VPS13B: variants seen among roughly 807,000 people sequenced by gnomAD.
VPS13B encodes intermembrane lipid transfer protein VPS13B.
VPS13B carries 285 observed loss-of-function variants against 426.4 expected under a neutral mutation model. The ratio of observed to expected loss-of-function variants is 0.67; its 90% CI spans 0.61 to 0.74. The LOEUF is 0.74. Among genes scored for constraint, VPS13B ranks in the 30% least tolerant of loss-of-function variants. The pLI is 0.00. For missense variants in VPS13B, 4,537 were observed against 4,782.6 expected (o/e 0.95, Z 1.51); for synonymous variants, 1,676 against 1,676.4 (o/e 1.00, Z 0.01).
At chr8:99,483,800 A>G (rs1038953441) in intron 25 of VPS13B, among the ~76,000 whole-genome samples, 2 of 152,146 alleles carry the variant, frequency 1.3e-5, no homozygotes, top group Admixed American at 1.3e-4. Flanking sequence ...TTTCAAGTCC[A>G]GGAAAGACAG....
rs1817723057 is a variant in VPS13B, at chr8:99,876,868, G to C, written c.*1202G>C. The C allele has an allele frequency of 6.6e-6, 1 of 151,382 alleles. No homozygotes were observed. The highest frequency in any genetic ancestry group is 1.5e-5 in the Non-Finnish European group (1 of 68,012). The allele number at this position is 151,382 out of a possible 1,614,324, so 9.4% of individuals were successfully genotyped here. A position where few individuals can be genotyped will look rare whatever the true frequency, so the allele number is the denominator to read the frequency against. On this transcript the variant is annotated 3_prime_UTR_variant, in exon 62 of 62. Transcript: ENST00000357162. Reference sequence around the variant, plus strand: ...AATGCCCACTGGTTTTATTTGTTTTGGAGAGAGGGTCTCATTCTGTCACCC... The same window carrying C: ...AATGCCCACTGGTTTTATTTGTTTTCGAGAGAGGGTCTCATTCTGTCACCC...
chr8:99,402,607 G>C (rs947201328), intron 21 of VPS13B, among the ~76,000 whole-genome samples: 1 of 152,068 alleles, frequency 6.6e-6, no homozygotes, highest in South Asian at 2.1e-4. Flanking sequence ...AAAGGTATTG[G>C]CTGAGATAGT....
At chr8:99,650,222 A>G (rs542924879) in intron 34 of VPS13B, among the ~76,000 whole-genome samples, 1 of 152,178 alleles carries the variant, frequency 6.6e-6, no homozygotes, top group South Asian at 2.1e-4. Flanking sequence ...ATATAGCCTA[A>G]TCAGTAATTA....
At position 99,038,573 on chromosome 8, in the gene VPS13B, A is replaced by C. The variant is rs571078874; in HGVS notation, c.291+7A>C. On this transcript the variant is annotated splice_region_variant and intron_variant, in intron 3 of 61. Transcript: ENST00000357162. ...ACTTAAGGATGGGATACAGGTAAGA[A>C]ATTATTGAACCAAGTTGTTTATGTT... 1 of 1,611,588 alleles carries C rather than the reference A, an allele frequency of 6.2e-7. No individual in the cohort carries two copies. Among genetic ancestry groups the C allele is most frequent in the South Asian group, 1.1e-5 (1 of 90,894 alleles).
intron 57 of VPS13B, 111 bp downstream of exon 57, chr8:99,859,591 G>T: frequency 7.0e-7 from 1 of 1,421,662 alleles, no homozygotes; most frequent in Non-Finnish European, 9.5e-7. Flanking sequence ...GCTTTGTTTG[G>T]CCTTTTAGCT....
intron 30 of VPS13B, among the ~76,000 whole-genome samples, chr8:99,533,736 T>A (rs147045747): frequency 0.01 from 1,582 of 152,324 alleles, 16 homozygotes; most frequent in Admixed American, 0.052. Flanking sequence ...ATGGACATGT[T>A]TATAATAGCC....
At chr8:99,195,438 C>A (rs1034661333) in intron 17 of VPS13B, among the ~76,000 whole-genome samples, 2 of 152,084 alleles carry the variant, frequency 1.3e-5, no homozygotes, top group African/African-American at 4.8e-5. Context: ...TATTTGTTTT[C>A]TTATTATTGA....
In VPS13B at chr8:99,579,294, A is replaced by G. The variant is rs796235166; in HGVS notation, c.5220+1661A>G. ...TCATATCTGCTAGTCTATGAATATA[A>G]AGACATTTTAGTTACATAGAATACT... On this transcript the variant is annotated intron_variant, in intron 33 of 61. Transcript: ENST00000357162. Among the ~76,000 whole-genome samples the G allele has an allele frequency of 2.0e-3, 302 of 152,362 alleles. 1 individual carries two copies. Among genetic ancestry groups the G allele is most frequent in the Non-Finnish European group, 5.3e-4 (36 of 68,034 alleles).
intron 33 of VPS13B, among the ~76,000 whole-genome samples, chr8:99,593,145 A>G (rs1231100508): frequency 2.0e-5 from 3 of 152,258 alleles, no homozygotes; most frequent in Middle Eastern, 3.4e-3. Flanking sequence ...AATGGGAGAA[A>G]AATTTTGCAA....
At chr8:99,092,487 A>G (rs539233907) in intron 3 of VPS13B, among the ~76,000 whole-genome samples, 108 of 152,202 alleles carry the variant, frequency 7.1e-4, no homozygotes, top group Non-Finnish European at 1.2e-3. Context: ...GTCCACAGTG[A>G]TGCCTACTGG....
intron 23 of VPS13B, among the ~76,000 whole-genome samples, chr8:99,453,192 A>C (rs1426252925): frequency 2.0e-5 from 3 of 151,460 alleles, no homozygotes; most frequent in Non-Finnish European, 2.9e-5. Flanking sequence ...TTAGTGGTTT[A>C]TATGTATTGT....
chr8:99,328,481 C>T (rs974921436), intron 19 of VPS13B, among the ~76,000 whole-genome samples: 3 of 152,112 alleles, frequency 2.0e-5, no homozygotes, highest in Non-Finnish European at 2.9e-5. Context: ...GAAGCAAGGA[C>T]AAATGGCAAC....
At chr8:99,151,299 G>A (rs934202075) in intron 14 of VPS13B, among the ~76,000 whole-genome samples, 42 of 151,816 alleles carry the variant, frequency 2.8e-4, no homozygotes, top group African/African-American at 9.7e-4. Context: ...TAGGTCTTTT[G>A]CAAATATTTT....
chr8:99,295,870 TA>T (rs1433260943), intron 19 of VPS13B, among the ~76,000 whole-genome samples: 1 of 152,016 alleles, frequency 6.6e-6, no homozygotes, highest in African/African-American at 2.4e-5. Flanking sequence ...CTACAAAGAA[TA>T]AATTTAAAAA....
intron 35 of VPS13B, among the ~76,000 whole-genome samples, chr8:99,693,030 C>A (rs373609376): frequency 1.4e-5 from 2 of 143,472 alleles, no homozygotes; most frequent in Non-Finnish European, 3.0e-5. Context: ...CAATAACAGG[C>A]TCTGAAATTG....
intron 19 of VPS13B, among the ~76,000 whole-genome samples, chr8:99,293,518 C>G (rs1303588096): frequency 1.7e-5 from 2 of 114,864 alleles, no homozygotes; most frequent in Admixed American, 9.4e-5. Context: ...AAAGCAATGG[C>G]AACAAAAGCC....
chr8:99,166,697 A>G (rs1343215610), intron 15 of VPS13B, among the ~76,000 whole-genome samples: 1 of 152,164 alleles, frequency 6.6e-6, no homozygotes, highest in African/African-American at 2.4e-5. Flanking sequence ...GTCTTTTTTC[A>G]GAAGTAGAAA....
Position 99,353,879 on chromosome 8 carries a change from A to G in VPS13B, c.2825-30329A>G, listed in dbSNP as rs564372194. ...ACTTCGAAGACTACACTGTATTATT[A>G]TATAATATTGTCTATGATTTTATGT... On this transcript the variant is annotated intron_variant, in intron 19 of 61. Coordinates refer to ENST00000357162, the MANE Select transcript of VPS13B (RefSeq NM_152564.5). 1.1e-4 allele frequency among the ~76,000 whole-genome samples: 17 copies of G among 152,288 alleles called. No individual in the cohort carries two copies. The East Asian group carries it at 3.3e-3, about 29-fold the overall frequency.
intron 30 of VPS13B, among the ~76,000 whole-genome samples, chr8:99,522,686 G>A (rs1329146542): frequency 1.3e-5 from 2 of 152,104 alleles, no homozygotes; most frequent in African/African-American, 4.8e-5. Context: ...ACCAAGGTTA[G>A]CAATATGTGT....
Sources: allele counts gnomAD v4.1 joint callset (sites outside exome capture counted in the v4.1 genomes callset), GRCh38; gene constraint gnomAD v4.1.1; transcripts MANE v1.5; gene names NCBI Gene and HGNC (gene_info 2026-07-23, HGNC 2026-07-21).